Variants in FRMD7 observed in about 807,000 individuals in gnomAD.
FRMD7 encodes FERM domain containing 7.
A neutral mutation model predicts 44.1 loss-of-function variants in FRMD7; 14 were observed. That is an observed-to-expected ratio of 0.32 (90% CI 0.21 to 0.50). The LOEUF (loss-of-function observed/expected upper bound fraction) is 0.50, where lower values mean the gene tolerates loss of function less well. FRMD7 is among the 20% of genes least tolerant of loss of function. FRMD7 has a pLI of 0.99. For missense variants in FRMD7, 501 were observed against 522.3 expected, an observed-to-expected ratio of 0.96 and a Z score of 0.40; for synonymous variants, 212 against 187.4, an observed-to-expected ratio of 1.13 and a Z score of -1.07.
At chrX:132,115,234 G>T (rs1355271762) in intron 1 of FRMD7, among the ~76,000 whole-genome samples, 1 of 112,226 alleles carries the variant, frequency 8.9e-6, no homozygotes, top group African/African-American at 3.2e-5. Flanking sequence ...AGTGATTGCA[G>T]ATTCTTCTCA....
At chrX:132,088,064 T>C (rs1252721608) in intron 5 of FRMD7, among the ~76,000 whole-genome samples, 1 of 112,307 alleles carries the variant, frequency 8.9e-6, no homozygotes, top group African/African-American at 3.2e-5. Context: ...ATATACCAAA[T>C]GGTGAGAAAC....
chrX:132,084,482 C>G lies in FRMD7; in HGVS notation c.741+8G>C. 9.3e-7 allele frequency: 1 copy of G among 1,074,585 alleles called. No homozygotes were observed. 88.6% of individuals were successfully genotyped at this position (1,074,585 alleles called of 1,213,427 possible). ...GAAAGTAAACGAATTTATTAGAAAG[C>G]TACTTACCAAGATATTGGCATGAAG... On this transcript the variant is annotated splice_region_variant and intron_variant, in intron 8 of 11. Coordinates refer to ENST00000298542, the MANE Select transcript of FRMD7 (RefSeq NM_194277.3).
chrX:132,102,232 T>C (rs899643953), intron 1 of FRMD7, among the ~76,000 whole-genome samples: 5 of 111,503 alleles, frequency 4.5e-5, no homozygotes, highest in Non-Finnish European at 9.4e-5. Context: ...CATGGACTTC[T>C]CTCTACTTGG....
At position 132,085,728 on chromosome X, in the gene FRMD7, A is replaced by G. The variant is rs1195618659; in HGVS notation, c.498T>C (p.Ile166=). Reference sequence around the variant, plus strand: ...TGTCAGATTCAGCTGGGCTCCTGCCACTGAAAGGGGAAAGAATTTATGAGC... The same window carrying G: ...TGTCAGATTCAGCTGGGCTCCTGCCGCTGAAAGGGGAAAGAATTTATGAGC... ...GKIMHFHQKH[I]GRSPAESDIL... The change falls in exon 7 of 12, where the codon ATT becomes ATC. Residue 166 remains isoleucine, a splice_region_variant and synonymous_variant. Transcript: ENST00000298542. 4 of 1,206,627 alleles carry G rather than the reference A, an allele frequency of 3.3e-6. No individual in the cohort carries two copies. The Admixed American group carries it at 6.6e-5, about 20-fold the overall frequency.
intron 1 of FRMD7, among the ~76,000 whole-genome samples, chrX:132,120,913 A>T (rs1929018456): frequency 8.9e-6 from 1 of 112,571 alleles, no homozygotes; most frequent in Non-Finnish European, 1.9e-5. Flanking sequence ...TGCAATGACA[A>T]ATGAATCCCT....
chrX:132,108,056 A>G (rs932795761), intron 1 of FRMD7, among the ~76,000 whole-genome samples: 1 of 110,999 alleles, frequency 9.0e-6, no homozygotes, highest in Non-Finnish European at 1.9e-5. Flanking sequence ...CCTAGTTCTG[A>G]CTCCTCTACC....
In FRMD7 at chrX:132,077,724, G is replaced by T; in HGVS notation, c.*148C>A. Reference sequence around the variant, plus strand: ...AACTCAAGGAATGAGGCAACAGCTGGATCTTTCATAAGGCAGGCATCCAAA... The same window carrying T: ...AACTCAAGGAATGAGGCAACAGCTGTATCTTTCATAAGGCAGGCATCCAAA... On this transcript the variant is annotated 3_prime_UTR_variant, in exon 12 of 12. Coordinates refer to ENST00000298542, the MANE Select transcript of FRMD7 (RefSeq NM_194277.3). The T allele has an allele frequency of 1.2e-6, 1 of 820,412 alleles. No homozygotes were observed. Among genetic ancestry groups the T allele is most frequent in the Non-Finnish European group, 1.7e-6 (1 of 577,144 alleles). The allele number at this position is 820,412 out of a possible 1,213,427, so 67.6% of individuals were successfully genotyped here. A position where few individuals can be genotyped will look rare whatever the true frequency, so the allele number is the denominator to read the frequency against.
chrX:132,088,498 C>T (rs1168703252), intron 5 of FRMD7, among the ~76,000 whole-genome samples: 1 of 106,480 alleles, frequency 9.4e-6, no homozygotes, highest in Non-Finnish European at 1.9e-5. Context: ...TTCAAGGCTA[C>T]AGTGAGCCAT....
chrX:132,117,889 T>C (rs1295677971), intron 1 of FRMD7, among the ~76,000 whole-genome samples: 2 of 112,479 alleles, frequency 1.8e-5, no homozygotes, highest in Admixed American at 1.9e-4. Flanking sequence ...TAAAATTTTA[T>C]TTCCTTAGGA....
intron 5 of FRMD7, among the ~76,000 whole-genome samples, chrX:132,089,559 A>C (rs1015596766): frequency 1.8e-5 from 2 of 112,229 alleles, no homozygotes; most frequent in African/African-American, 6.5e-5. Context: ...ATGAAAAGAC[A>C]AGCCACAGAT....
intron 1 of FRMD7, among the ~76,000 whole-genome samples, chrX:132,101,099 C>T (rs750190828): frequency 1.8e-5 from 2 of 110,616 alleles, no homozygotes; most frequent in Admixed American, 1.9e-4. Context: ...CTATTACTCC[C>T]CTGCTTGAAA....
chrX:132,115,831 C>G (rs1411468346), intron 1 of FRMD7, among the ~76,000 whole-genome samples: 1 of 111,344 alleles, frequency 9.0e-6, no homozygotes, highest in Non-Finnish European at 1.9e-5. Flanking sequence ...AATGAATAAA[C>G]AGGTTCACGG....
intron 1 of FRMD7, among the ~76,000 whole-genome samples, chrX:132,115,253 T>C (rs148584309): frequency 9.8e-5 from 11 of 112,330 alleles, no homozygotes; most frequent in African/African-American, 3.2e-4. Context: ...CAGTCTGGAT[T>C]AGTCTGGGGC....
At chrX:132,107,401 T>TA (rs1437099794) in intron 1 of FRMD7, among the ~76,000 whole-genome samples, 1 of 111,751 alleles carries the variant, frequency 8.9e-6, no homozygotes, top group Non-Finnish European at 1.9e-5. Flanking sequence ...CCTCATTTTT[T>TA]ATCCCCAAAT....
intron 1 of FRMD7, among the ~76,000 whole-genome samples, chrX:132,122,859 C>T (rs1929069405): frequency 8.9e-6 from 1 of 112,066 alleles, no homozygotes; most frequent in Non-Finnish European, 1.9e-5. Context: ...TTAAACCCTT[C>T]AGTGGTCTCT....
intron 1 of FRMD7, among the ~76,000 whole-genome samples, chrX:132,119,216 G>T (rs1189226794): frequency 2.7e-5 from 3 of 112,237 alleles, no homozygotes; most frequent in African/African-American, 9.7e-5. Flanking sequence ...GAATGAAGGA[G>T]CATAATCATA....
At chrX:132,101,604 G>C (rs542793516) in intron 1 of FRMD7, among the ~76,000 whole-genome samples, 1 of 112,394 alleles carries the variant, frequency 8.9e-6, no homozygotes, top group African/African-American at 3.2e-5. Context: ...CTGGGCTCCT[G>C]AATGTTTGTT....
chrX:132,107,040 AAG>A (rs1159908435), intron 1 of FRMD7, among the ~76,000 whole-genome samples: 2 of 111,178 alleles, frequency 1.8e-5, no homozygotes, highest in African/African-American at 3.3e-5. Flanking sequence ...GATTTTTAAA[AAG>A]AGAGAAATTT....
chrX:132,080,639 C>A (rs915934844), intron 9 of FRMD7, among the ~76,000 whole-genome samples: 1 of 110,939 alleles, frequency 9.0e-6, no homozygotes, highest in Admixed American at 9.6e-5. Flanking sequence ...CATAGTGAGA[C>A]CTCATCTCTA....
Sources: allele counts gnomAD v4.1 joint callset (sites outside exome capture counted in the v4.1 genomes callset), GRCh38; gene constraint gnomAD v4.1.1; transcripts MANE v1.5; gene names NCBI Gene and HGNC (gene_info 2026-07-23, HGNC 2026-07-21).